STX12: variants seen among roughly 807,000 people sequenced by gnomAD.
STX12 encodes the protein syntaxin-12.
In STX12, 17 loss-of-function variants were observed where a neutral mutation model predicts 42.2. The ratio of observed to expected loss-of-function variants is 0.40; its 90% CI spans 0.28 to 0.60. The LOEUF (loss-of-function observed/expected upper bound fraction) is 0.60. Among genes scored for constraint, STX12 ranks in the 20% least tolerant of loss-of-function variants. The probability of loss-of-function intolerance (pLI) is 0.39; values close to 1 mark genes in which losing one functional copy is unlikely to be tolerated. For synonymous variants in STX12, 108 were observed against 116.7 expected, an observed-to-expected ratio of 0.93 and a Z score of 0.48; for missense variants, 297 against 330.9, an observed-to-expected ratio of 0.90 and a Z score of 0.79.
chr1:27,804,735 C>T (rs897253620), intron 4 of STX12, among the ~76,000 whole-genome samples: 4 of 150,736 alleles, frequency 2.7e-5, no homozygotes, highest in African/African-American at 4.9e-5. Flanking sequence ...CGCTTCAACC[C>T]GGGAGGCGGA....
intron 3 of STX12, among the ~76,000 whole-genome samples, chr1:27,794,393 T>A (rs1356093288): frequency 6.6e-6 from 1 of 152,250 alleles, no homozygotes; most frequent in Non-Finnish European, 1.5e-5. Flanking sequence ...TGTTTTGCAG[T>A]TACCTTCATG....
chr1:27,790,000 CAGT>C (rs1328861113), intron 2 of STX12, among the ~76,000 whole-genome samples: 1 of 152,074 alleles, frequency 6.6e-6, no homozygotes, highest in African/African-American at 2.4e-5. Flanking sequence ...TTTCCAGCTA[CAGT>C]CAGCCTTCCA....
intron 8 of STX12, 102 bp downstream of exon 8, chr1:27,819,834 A>G: frequency 1.1e-6 from 1 of 945,470 alleles, no homozygotes; most frequent in East Asian, 2.8e-5. Flanking sequence ...GCTTAGGTTT[A>G]AGCTAAAGGA....
At chr1:27,795,223 G>A (rs2088775976) in intron 3 of STX12, among the ~76,000 whole-genome samples, 1 of 151,748 alleles carries the variant, frequency 6.6e-6, no homozygotes, top group African/African-American at 2.4e-5. Flanking sequence ...TCTATATTAT[G>A]TAATAATGGT....
In STX12 at chr1:27,822,366, G is replaced by A. The variant is rs6660458; in HGVS notation, c.*37G>A. 4.5e-6 allele frequency: 6 copies of A among 1,346,718 alleles called. No homozygotes were observed. In the South Asian group the frequency reaches 7.0e-5, roughly 16 times the overall value. The allele number at this position is 1,346,718 out of a possible 1,614,324, so 83.4% of individuals were successfully genotyped here. On this transcript the variant is annotated 3_prime_UTR_variant, in exon 9 of 9. Transcript: ENST00000373943. ...CGTTCTCCCGCTGAGCTGTTTTCAA[G>A]GGCAAGTGCTTGTTGAAGTCTTGCC...
At chr1:27,789,017 A>T (rs1009129087) in intron 1 of STX12, among the ~76,000 whole-genome samples, 18 of 152,142 alleles carry the variant, frequency 1.2e-4, no homozygotes, top group African/African-American at 3.6e-4. Context: ...TCTCAAAAAA[A>T]AAAAATAAAT....
intron 7 of STX12, among the ~76,000 whole-genome samples, chr1:27,818,305 C>T (rs2088957137): frequency 6.6e-6 from 1 of 151,656 alleles, no homozygotes; most frequent in African/African-American, 2.4e-5. Flanking sequence ...CCCTTGAACC[C>T]AGGAGGTGGA....
rs558338865 is a variant in STX12 at position 27,802,475 on chromosome 1, T to C, written c.426+660T>C. On this transcript the variant is annotated intron_variant, in intron 4 of 8. Transcript: ENST00000373943. ...TATCCCCCGGCAGATTACAGAAAGA[T>C]TGCATTAGCACTGAACTGAGCAGAT... Among the ~76,000 whole-genome samples, 9 of 152,232 alleles carry C rather than the reference T, an allele frequency of 5.9e-5. No homozygotes were observed. The South Asian group carries it at 1.9e-3, about 32-fold the overall frequency.
intron 3 of STX12, among the ~76,000 whole-genome samples, chr1:27,799,701 C>T (rs2088814083): frequency 6.6e-6 from 1 of 151,960 alleles, no homozygotes; most frequent in South Asian, 2.1e-4. Flanking sequence ...GCCAGATGGT[C>T]TCCATCTCCT....
At chr1:27,816,850 A>G (rs2088946657) in intron 6 of STX12, among the ~76,000 whole-genome samples, 1 of 151,084 alleles carries the variant, frequency 6.6e-6, no homozygotes, top group African/African-American at 2.4e-5. Context: ...CGGGAGGTGG[A>G]GGTTGCAGTG....
At chr1:27,798,312 C>CT (rs1414634163) in intron 3 of STX12, among the ~76,000 whole-genome samples, 5 of 151,924 alleles carry the variant, frequency 3.3e-5, no homozygotes, top group Non-Finnish European at 5.9e-5. Context: ...GGGTGGATTG[C>CT]TTGAGTACAG....
intron 3 of STX12, among the ~76,000 whole-genome samples, chr1:27,793,939 T>C (rs989431574): frequency 6.6e-6 from 1 of 151,824 alleles, no homozygotes; most frequent in Non-Finnish European, 1.5e-5. Flanking sequence ...AACATTTGCA[T>C]CTCTTTGGGG....
chr1:27,788,213 T>A (rs567520579), intron 1 of STX12, among the ~76,000 whole-genome samples: 4 of 152,200 alleles, frequency 2.6e-5, no homozygotes, highest in Non-Finnish European at 4.4e-5. Context: ...TGAATGCTCT[T>A]GGAAAACAAG....
At chr1:27,802,416 A>T (rs2088833695) in intron 4 of STX12, among the ~76,000 whole-genome samples, 1 of 152,238 alleles carries the variant, frequency 6.6e-6, no homozygotes, top group Non-Finnish European at 1.5e-5. Context: ...AAGAGACTAT[A>T]TCCTTAGAAC....
intron 2 of STX12, among the ~76,000 whole-genome samples, chr1:27,790,172 G>T (rs1236677055): frequency 1.3e-5 from 2 of 152,192 alleles, no homozygotes; most frequent in African/African-American, 4.8e-5. Flanking sequence ...ACATTGTATT[G>T]TGTCTGGAGT....
intron 4 of STX12, among the ~76,000 whole-genome samples, chr1:27,805,014 A>G (rs1458051363): frequency 1.3e-5 from 2 of 152,124 alleles, no homozygotes; most frequent in African/African-American, 2.4e-5. Flanking sequence ...AGAAGGGGAA[A>G]GCCCCTTATA....
chr1:27,812,328 T>TAAGG, intron 6 of STX12, 60 bp downstream of exon 6: 3 of 1,202,226 alleles, frequency 2.5e-6, no homozygotes, highest in Non-Finnish European at 2.4e-6. Flanking sequence ...CTGAACTCCT[T>TAAGG]AGTTCACTTT....
chr1:27,793,457 T>G, intron 2 of STX12, 76 bp from the exon 3 acceptor site: 1 of 1,254,856 alleles, frequency 8.0e-7, no homozygotes. Flanking sequence ...TATGAGACAC[T>G]CTGAGAACAA....
intron 5 of STX12, chr1:27,811,944 T>C (rs993176353): frequency 3.2e-6 from 2 of 624,322 alleles, no homozygotes; most frequent in African/African-American, 1.8e-5. Context: ...CTGCCACATG[T>C]CAGCTTTGCC....
Sources: allele counts gnomAD v4.1 joint callset (sites outside exome capture counted in the v4.1 genomes callset), GRCh38; gene constraint gnomAD v4.1.1; transcripts MANE v1.5; gene names NCBI Gene and HGNC (gene_info 2026-07-23, HGNC 2026-07-21).